Variants in CCDC178 observed in about 807,000 individuals in gnomAD.
CCDC178 encodes the protein coiled-coil domain containing 178, also known as coiled-coil domain-containing protein 178.
In CCDC178, 126 loss-of-function variants were observed where a neutral mutation model predicts 117.4. The ratio of observed to expected loss-of-function variants is 1.07; its 90% CI spans 0.93 to 1.24. The LOEUF is 1.24. Among genes scored for constraint, CCDC178 ranks in the 50% most tolerant of loss-of-function variants. The pLI, the probability that CCDC178 is intolerant of heterozygous loss-of-function variation, is 0.00. For synonymous variants in CCDC178, 283 were observed against 313.4 expected (o/e 0.90, Z 1.02); for missense variants, 1,030 against 986.9 (o/e 1.04, Z -0.59).
intron 20 of CCDC178, among the ~76,000 whole-genome samples, chr18:33,097,174 T>A (rs1328285686): frequency 6.6e-6 from 1 of 152,108 alleles, no homozygotes; most frequent in Non-Finnish European, 1.5e-5. Flanking sequence ...GGCTGGCTTA[T>A]ATAATAGAAA....
At chr18:33,326,162 C>T (rs977434010) in intron 10 of CCDC178, among the ~76,000 whole-genome samples, 4 of 152,110 alleles carry the variant, frequency 2.6e-5, no homozygotes, top group African/African-American at 7.2e-5. Context: ...CAAGCTGGAG[C>T]TATAGGGGAC....
intron 15 of CCDC178, among the ~76,000 whole-genome samples, chr18:33,232,476 T>TA (rs1203565765): frequency 1.3e-5 from 2 of 152,200 alleles, no homozygotes; most frequent in Non-Finnish European, 2.9e-5. Context: ...ATGGATACTC[T>TA]AAAGAATTAC....
intron 2 of CCDC178, among the ~76,000 whole-genome samples, chr18:33,438,518 TACAC>T (rs113727839): frequency 2.7e-4 from 40 of 146,510 alleles, no homozygotes; most frequent in African/African-American, 8.5e-4. Flanking sequence ...ATATACGGCA[TACAC>T]ACACACACAC....
At chr18:32,951,691 C>T (rs1231513541) in intron 22 of CCDC178, among the ~76,000 whole-genome samples, 3 of 152,172 alleles carry the variant, frequency 2.0e-5, no homozygotes, top group Non-Finnish European at 4.4e-5. Flanking sequence ...ACAATAATGC[C>T]TTTCCAACAG....
At chr18:33,014,423 A>C (rs1426171428) in intron 21 of CCDC178, among the ~76,000 whole-genome samples, 2 of 152,234 alleles carry the variant, frequency 1.3e-5, no homozygotes. Flanking sequence ...TGAAAAACTT[A>C]AAAGGAAAAA....
intron 6 of CCDC178, among the ~76,000 whole-genome samples, chr18:33,365,918 A>C (rs2063199024): frequency 6.6e-6 from 1 of 152,094 alleles, no homozygotes; most frequent in African/African-American, 2.4e-5. Context: ...GATTCTTTGC[A>C]AAAACAAAAT....
At chr18:33,039,625 T>G (rs552104838) in intron 21 of CCDC178, among the ~76,000 whole-genome samples, 1 of 152,026 alleles carries the variant, frequency 6.6e-6, no homozygotes, top group Non-Finnish European at 1.5e-5. Flanking sequence ...GATCTGATGG[T>G]TCAAATCCTA....
chr18:33,356,455 T>C, intron 6 of CCDC178, 109 bp from the exon 7 acceptor site: 1 of 1,110,020 alleles, frequency 9.0e-7, no homozygotes, highest in Non-Finnish European at 1.2e-6. Context: ...TCTACTTCAT[T>C]ATATTTTTGT....
intron 21 of CCDC178, among the ~76,000 whole-genome samples, chr18:32,981,056 A>T (rs2144714595): frequency 6.6e-6 from 1 of 152,254 alleles, no homozygotes; most frequent in African/African-American, 2.4e-5. Context: ...TAAAATAAAC[A>T]CACTGGCCGT....
intron 11 of CCDC178, among the ~76,000 whole-genome samples, chr18:33,313,903 A>G (rs1325921930): frequency 6.6e-6 from 1 of 152,136 alleles, no homozygotes; most frequent in Non-Finnish European, 1.5e-5. Flanking sequence ...CAAAGGTGCT[A>G]TTAAAAGAAA....
rs140279517 is a variant in CCDC178 at position 32,989,188 on chromosome 18, T to A, written c.2389-14507A>T. 2.5e-3 allele frequency among the ~76,000 whole-genome samples: 378 copies of A among 152,304 alleles called. 3 individuals are homozygous for A. Among genetic ancestry groups the A allele is most frequent in the African/African-American group, 8.7e-3 (362 of 41,578 alleles). ...ACCAAAAAGTATAATTTAATTCTAC[T>A]TATAAACTTATGTGCAAAATATATG... On this transcript the variant is annotated intron_variant, in intron 21 of 22. Coordinates refer to ENST00000383096, the MANE Select transcript of CCDC178 (RefSeq NM_001105528.4).
At chr18:33,049,460 T>C (rs1294635355) in intron 21 of CCDC178, among the ~76,000 whole-genome samples, 1 of 152,016 alleles carries the variant, frequency 6.6e-6, no homozygotes, top group East Asian at 1.9e-4. Flanking sequence ...TACTATTATC[T>C]TTTTACCCTG....
chr18:33,207,528 A>C (rs182209238), intron 20 of CCDC178, among the ~76,000 whole-genome samples: 2,001 of 150,622 alleles, frequency 0.013, 25 homozygotes, highest in Middle Eastern at 0.059. Context: ...TCCAGTGGGA[A>C]TGGAAAATGA....
chr18:32,954,970 C>T (rs2054563672), intron 22 of CCDC178, among the ~76,000 whole-genome samples: 1 of 152,096 alleles, frequency 6.6e-6, no homozygotes, highest in Admixed American at 6.5e-5. Context: ...CTCAAATACC[C>T]TTCTTTATCT....
intron 2 of CCDC178, among the ~76,000 whole-genome samples, chr18:33,434,497 A>T (rs2064263273): frequency 6.6e-6 from 1 of 152,162 alleles, no homozygotes; most frequent in South Asian, 2.1e-4. Flanking sequence ...ATGCTGTCAT[A>T]CTGATGCAAA....
intron 20 of CCDC178, among the ~76,000 whole-genome samples, chr18:33,147,132 A>AGCTG: frequency 6.7e-6 from 1 of 148,280 alleles, no homozygotes; most frequent in East Asian, 2.0e-4. Context: ...ATTATCTGGT[A>AGCTG]GCTGATTTCT....
chr18:33,051,103 G>C (rs776302843), intron 21 of CCDC178, among the ~76,000 whole-genome samples: 1 of 151,994 alleles, frequency 6.6e-6, no homozygotes, highest in African/African-American at 2.4e-5. Context: ...AGTACAGACG[G>C]GGCTTTGCCA....
At chr18:33,383,624 CCTGA>C (rs1302434905) in intron 5 of CCDC178, among the ~76,000 whole-genome samples, 3 of 151,914 alleles carry the variant, frequency 2.0e-5, no homozygotes, top group South Asian at 2.1e-4. Flanking sequence ...ATAAGAGGGG[CCTGA>C]CTATTAGATG....
chr18:33,314,165 C>T (rs931638484), intron 11 of CCDC178, among the ~76,000 whole-genome samples: 66 of 128,380 alleles, frequency 5.1e-4, no homozygotes, highest in African/African-American at 1.9e-3. Context: ...CCCGCCACTG[C>T]ACTCCAGCCT....
Sources: allele counts gnomAD v4.1 joint callset (sites outside exome capture counted in the v4.1 genomes callset), GRCh38; gene constraint gnomAD v4.1.1; transcripts MANE v1.5; gene names NCBI Gene and HGNC (gene_info 2026-07-23, HGNC 2026-07-21).